The following GRIA2 variants were observed in gnomAD, a reference collection of about 807,000 sequenced individuals.
GRIA2 encodes the protein glutamate receptor 2.
In GRIA2, 14 loss-of-function variants were observed where a neutral mutation model predicts 97.3. The observed-to-expected ratio is 0.14, with a 90% CI of 0.10 to 0.23. The LOEUF (loss-of-function observed/expected upper bound fraction) is 0.23. Ranked by LOEUF, GRIA2 falls within the 10% of genes least tolerant of loss-of-function variation. The probability of loss-of-function intolerance (pLI) is 1.00; values close to 1 mark genes in which losing one functional copy is unlikely to be tolerated. For missense variants in GRIA2, 558 were observed against 1,069.8 expected (o/e 0.52, Z 6.67); for synonymous variants, 412 against 387.8 (o/e 1.06, Z -0.73).
intron 2 of GRIA2, among the ~76,000 whole-genome samples, chr4:157,302,348 T>C (rs1733653368): frequency 1.3e-5 from 2 of 152,124 alleles, no homozygotes; most frequent in African/African-American, 2.4e-5. Context: ...ATTCTTATTA[T>C]ATTGTGGAGA....
At chr4:157,257,183 GT>G (rs1405085961) in intron 2 of GRIA2, among the ~76,000 whole-genome samples, 10 of 152,010 alleles carry the variant, frequency 6.6e-5, no homozygotes, top group African/African-American at 2.4e-4. Flanking sequence ...AACTTTCCTA[GT>G]GTCACCTTCG....
chr4:157,299,948 A>T (rs1337737612), intron 2 of GRIA2, among the ~76,000 whole-genome samples: 2 of 152,208 alleles, frequency 1.3e-5, no homozygotes, highest in East Asian at 3.9e-4. Context: ...GAAGGTCATG[A>T]AGCTGGAGGT....
intron 11 of GRIA2, among the ~76,000 whole-genome samples, chr4:157,337,461 T>C (rs887180310): frequency 9.9e-5 from 15 of 152,048 alleles, no homozygotes; most frequent in African/African-American, 3.1e-4. Flanking sequence ...ATTTTATTCA[T>C]GTTGCACGTA....
At chr4:157,327,847 T>A (rs1169703571) in intron 6 of GRIA2, among the ~76,000 whole-genome samples, 1 of 152,078 alleles carries the variant, frequency 6.6e-6, no homozygotes, top group African/African-American at 2.4e-5. Flanking sequence ...TGCCTGAAAA[T>A]AGTATAATCT....
At chr4:157,232,644 T>A (rs1030706327) in intron 2 of GRIA2, among the ~76,000 whole-genome samples, 5 of 152,166 alleles carry the variant, frequency 3.3e-5, no homozygotes, top group African/African-American at 7.2e-5. Flanking sequence ...AAGGAAGCGC[T>A]GTATATAGTT....
intron 2 of GRIA2, among the ~76,000 whole-genome samples, chr4:157,270,735 T>C (rs1277721681): frequency 5.9e-5 from 9 of 152,014 alleles, no homozygotes; most frequent in Admixed American, 3.9e-4. Context: ...ACGGCAGTGC[T>C]GGGAACATTG....
intron 2 of GRIA2, among the ~76,000 whole-genome samples, chr4:157,295,734 A>G (rs1293092973): frequency 1.3e-5 from 2 of 152,262 alleles, no homozygotes; most frequent in Admixed American, 6.5e-5. Flanking sequence ...AGAAGAGAAC[A>G]TTGTATTTAC....
At chr4:157,290,063 A>G (rs1733024324) in intron 2 of GRIA2, among the ~76,000 whole-genome samples, 1 of 151,870 alleles carries the variant, frequency 6.6e-6, no homozygotes, top group African/African-American at 2.4e-5. Flanking sequence ...CTTACATAGT[A>G]CCTGGCACAT....
At chr4:157,275,888 T>G (rs1732283983) in intron 2 of GRIA2, among the ~76,000 whole-genome samples, 1 of 151,962 alleles carries the variant, frequency 6.6e-6, no homozygotes, top group Non-Finnish European at 1.5e-5. Context: ...TAAAGTAGTT[T>G]TTTCCTGTGA....
chr4:157,241,737 G>T (rs1730521643), intron 2 of GRIA2, among the ~76,000 whole-genome samples: 1 of 151,984 alleles, frequency 6.6e-6, no homozygotes. Flanking sequence ...CCTCATATTT[G>T]CTTTATCCCC....
intron 2 of GRIA2, among the ~76,000 whole-genome samples, chr4:157,277,956 TAAAAG>T (rs1732424010): frequency 6.8e-6 from 1 of 147,614 alleles, no homozygotes; most frequent in East Asian, 2.0e-4. Context: ...AAAGCACTGA[TAAAAG>T]AAATCAAAGA....
At chr4:157,242,943 A>G (rs944279990) in intron 2 of GRIA2, among the ~76,000 whole-genome samples, 7 of 152,230 alleles carry the variant, frequency 4.6e-5, no homozygotes, top group African/African-American at 1.7e-4. Context: ...TTAAAATGCT[A>G]GACAGCAATT....
chr4:157,276,839 T>C (rs1324978704), intron 2 of GRIA2, among the ~76,000 whole-genome samples: 1 of 151,830 alleles, frequency 6.6e-6, no homozygotes, highest in Admixed American at 6.6e-5. Context: ...CCTTGGAAAA[T>C]ACAATTTGCC....
intron 2 of GRIA2, among the ~76,000 whole-genome samples, chr4:157,234,996 T>C (rs559257595): frequency 6.6e-6 from 1 of 152,138 alleles, no homozygotes; most frequent in Non-Finnish European, 1.5e-5. Flanking sequence ...TTGACTCTTA[T>C]TCTTCTTATG....
intron 2 of GRIA2, among the ~76,000 whole-genome samples, chr4:157,284,332 G>A (rs1051293894): frequency 3.3e-5 from 5 of 151,698 alleles, no homozygotes; most frequent in African/African-American, 1.2e-4. Context: ...TCCATGCTGA[G>A]ACTTTTGTGG....
intron 2 of GRIA2, among the ~76,000 whole-genome samples, chr4:157,294,230 T>C (rs1173031427): frequency 6.6e-6 from 1 of 152,066 alleles, no homozygotes; most frequent in Non-Finnish European, 1.5e-5. Flanking sequence ...GGATAAATTT[T>C]AAGTAGAAAT....
intron 2 of GRIA2, among the ~76,000 whole-genome samples, chr4:157,296,756 C>A (rs1359085815): frequency 6.6e-6 from 1 of 152,054 alleles, no homozygotes; most frequent in Non-Finnish European, 1.5e-5. Context: ...CAGTTGATGG[C>A]AAGCAAGGAA....
chr4:157,249,617 G>A (rs1730934037), intron 2 of GRIA2: 2 of 152,104 alleles, frequency 1.3e-5, no homozygotes, highest in Admixed American at 6.6e-5. Flanking sequence ...AAGTGCCTGG[G>A]ATACAGAAAG....
At chr4:157,277,444 A>G (rs556911457) in intron 2 of GRIA2, among the ~76,000 whole-genome samples, 12 of 151,982 alleles carry the variant, frequency 7.9e-5, no homozygotes, top group African/African-American at 2.6e-4. Context: ...GTGAGAAACT[A>G]GAAGCTTTAT....
Sources: gnomAD v4.1 joint callset for allele counts (sites outside exome capture counted in the v4.1 genomes callset) on GRCh38, gnomAD v4.1.1 for gene constraint, MANE v1.5 for transcripts, NCBI Gene and HGNC (gene_info 2026-07-23, HGNC 2026-07-21) for gene names.